The following SUPT6H variants were observed in gnomAD, a reference collection of about 807,000 sequenced individuals.
The protein encoded by SUPT6H is SPT6 homolog, histone chaperone and transcription elongation factor.
SUPT6H carries 11 observed loss-of-function variants against 222.3 expected under a neutral mutation model. That is an observed-to-expected ratio of 0.05 (90% confidence interval 0.03 to 0.08). The LOEUF is 0.08. Ranked by LOEUF, SUPT6H falls within the 10% of genes least tolerant of loss-of-function variation. The pLI is 1.00. For synonymous variants in SUPT6H, 762 were observed against 801.2 expected (o/e 0.95, Z 0.83); for missense variants, 1,422 against 2,216.0 (o/e 0.64, Z 7.19).
chr17:28,685,015 T>A lies in SUPT6H; in HGVS notation c.2487+54T>A. ...GTACATCTGGAGTATGTCTTATGAT[T>A]CAGTGGAGATAAGTGTTTACGGTCT... On this transcript the variant is annotated intron_variant, in intron 19 of 36. Coordinates refer to ENST00000314616, the MANE Select transcript of SUPT6H (RefSeq NM_003170.5). 2.0e-6 allele frequency: 3 copies of A among 1,509,796 alleles called. No individual in the cohort carries two copies. The Admixed American group carries it at 5.5e-5, about 28-fold the overall frequency. 93.5% of individuals were successfully genotyped at this position (1,509,796 alleles called of 1,614,324 possible). A position where few individuals can be genotyped will look rare whatever the true frequency, so the allele number is the denominator to read the frequency against.
At chr17:28,698,248 G>A (rs756040656) in intron 32 of SUPT6H, among the ~76,000 whole-genome samples, 9 of 152,180 alleles carry the variant, frequency 5.9e-5, no homozygotes, top group Non-Finnish European at 1.2e-4. Flanking sequence ...CCTTAACACC[G>A]TGAGAAAGGA....
intron 2 of SUPT6H, 70 bp from the exon 3 acceptor site, chr17:28,674,213 A>G: frequency 1.3e-6 from 2 of 1,581,376 alleles, no homozygotes; most frequent in South Asian, 1.1e-5. Context: ...GGATAATCAC[A>G]TTAATCAAGT....
At chr17:28,684,227 G>A (rs1054101953) in intron 17 of SUPT6H, among the ~76,000 whole-genome samples, 1 of 151,948 alleles carries the variant, frequency 6.6e-6, no homozygotes, top group African/African-American at 2.4e-5. Context: ...AACCCCTTAG[G>A]AATAGTCCCA....
intron 1 of SUPT6H, among the ~76,000 whole-genome samples, chr17:28,663,680 A>G (rs1201787531): frequency 5.3e-5 from 8 of 151,856 alleles, no homozygotes; most frequent in Non-Finnish European, 1.2e-4. Flanking sequence ...CATACAAATT[A>G]TGTTCTGGTA....
Position 28,677,337 on chromosome 17 carries a change from C to T in SUPT6H, c.898-378C>T, listed in dbSNP as rs181417121. ...GGCGGAGGTTACAGTGAGCTGAGAT[C>T]GCGCCATTGCACTCCAGCCTGGGCA... On this transcript the variant is annotated intron_variant, in intron 7 of 36. Transcript: ENST00000314616. Among the ~76,000 whole-genome samples, 602 of 151,418 alleles carry T rather than the reference C, an allele frequency of 4.0e-3. 6 individuals carry two copies. Among genetic ancestry groups the T allele is most frequent in the African/African-American group, 0.013 (544 of 41,190 alleles).
chr17:28,677,217 CA>C (rs770661947), intron 7 of SUPT6H, among the ~76,000 whole-genome samples: 3,797 of 131,916 alleles, frequency 0.029, 50 homozygotes, highest in Non-Finnish European at 0.036. Context: ...TACTAAAATA[CA>C]AAAAAAAAAA....
intron 1 of SUPT6H, among the ~76,000 whole-genome samples, chr17:28,667,481 G>A (rs1428109264): frequency 7.4e-6 from 1 of 135,484 alleles, no homozygotes; most frequent in Non-Finnish European, 1.5e-5. Flanking sequence ...GTATATATGT[G>A]TGTGTATATA....
intron 1 of SUPT6H, 53 bp from the exon 2 acceptor site, chr17:28,673,318 C>T (rs2030544307): frequency 3.6e-6 from 4 of 1,112,790 alleles, no homozygotes; most frequent in Admixed American, 2.0e-5. Flanking sequence ...TTTAAGAGCC[C>T]TCTGTACAAT....
chr17:28,692,116 G>A (rs1184684661), intron 27 of SUPT6H, among the ~76,000 whole-genome samples: 1 of 151,062 alleles, frequency 6.6e-6, no homozygotes, highest in Admixed American at 6.6e-5. Context: ...GAGGTCAGGA[G>A]ATCGAGACCA....
intron 1 of SUPT6H, among the ~76,000 whole-genome samples, chr17:28,669,421 C>A (rs964786368): frequency 5.9e-5 from 9 of 152,170 alleles, no homozygotes; most frequent in Non-Finnish European, 1.3e-4. Context: ...AAACTGCTGA[C>A]CTCAGGTGAT....
In SUPT6H at chr17:28,684,469, C is replaced by T; in HGVS notation, c.2230-117C>T. On this transcript the variant is annotated intron_variant, in intron 17 of 36. Coordinates refer to ENST00000314616, the MANE Select transcript of SUPT6H (RefSeq NM_003170.5). Reference sequence around the variant, plus strand: ...CTGCCAATGGCTAGGAACATCTGCACATAAGAGTACACACCCTCGCACATG... The same window carrying T: ...CTGCCAATGGCTAGGAACATCTGCATATAAGAGTACACACCCTCGCACATG... 3 of 1,276,260 alleles carry T rather than the reference C, an allele frequency of 2.4e-6. No individual in the cohort carries two copies. The South Asian group carries it at 4.1e-5, about 18-fold the overall frequency. The allele number at this position is 1,276,260 out of a possible 1,614,324, so 79.1% of individuals were successfully genotyped here. A position where few individuals can be genotyped will look rare whatever the true frequency, so the allele number is the denominator to read the frequency against.
Position 28,695,403 on chromosome 17 carries a change from A to G in SUPT6H, c.3826A>G (p.Ser1276Gly). ...CATGAAGATTGACATTGAGAAGTTC[A>G]GTGCAGACCTGACCTGCCGCACCTC... is the stretch of plus-strand genomic sequence containing the variant. Reference protein sequence around the residue: ...RIMKIDIEKFSADLTCRTSDL... With the variant: ...RIMKIDIEKFGADLTCRTSDL... The change falls in exon 29 of 37, where the codon AGT becomes GGT. Residue 1276 changes from serine to glycine, a missense_variant. Transcript: ENST00000314616. The G allele has an allele frequency of 6.2e-7, 1 of 1,614,112 alleles. No homozygotes were observed. The highest frequency in any genetic ancestry group is 8.5e-7 in the Non-Finnish European group (1 of 1,180,022).
rs2031500315 is a variant in SUPT6H at position 28,688,484 on chromosome 17, A to G, written c.3134+266A>G. 1 of 271,468 alleles carries G rather than the reference A, an allele frequency of 3.7e-6. No individual in the cohort carries two copies. Among genetic ancestry groups the G allele is most frequent in the Admixed American group, 5.3e-5 (1 of 18,932 alleles). The allele number at this position is 271,468 out of a possible 1,614,324, so 16.8% of individuals were successfully genotyped here. On this transcript the variant is annotated intron_variant, in intron 24 of 36. Coordinates refer to ENST00000314616, the MANE Select transcript of SUPT6H (RefSeq NM_003170.5). The surrounding 1 kb of genome is among the most constrained non-coding windows in gnomAD (Gnocchi z 4.3). Reference sequence around the variant, plus strand: ...GCATGGAAAACACAAGATTTTGTTCAGTAAACACAAACTTGCTTTTTTATT... The same window carrying G: ...GCATGGAAAACACAAGATTTTGTTCGGTAAACACAAACTTGCTTTTTTATT...
chr17:28,690,379 A>G (rs2031584962), intron 26 of SUPT6H, 150 bp downstream of exon 26: 1 of 1,009,024 alleles, frequency 9.9e-7, no homozygotes, highest in South Asian at 1.8e-5. Flanking sequence ...AGAGTCCTGG[A>G]CTGGAAATCA....
intron 6 of SUPT6H, among the ~76,000 whole-genome samples, chr17:28,675,771 A>G (rs779442561): frequency 1.4e-4 from 22 of 152,192 alleles, no homozygotes; most frequent in Non-Finnish European, 2.4e-4. Context: ...AATTATATAT[A>G]TATTGACATT....
chr17:28,675,351 C>T, intron 5 of SUPT6H, 50 bp from the exon 6 acceptor site: 9 of 1,602,388 alleles, frequency 5.6e-6, no homozygotes, highest in Non-Finnish European at 7.7e-6. Context: ...GCAATTTAGT[C>T]CTGGCTCAGC....
intron 27 of SUPT6H, among the ~76,000 whole-genome samples, chr17:28,692,369 A>G (rs1439770286): frequency 6.8e-6 from 1 of 146,460 alleles, no homozygotes; most frequent in Non-Finnish European, 1.5e-5. Context: ...ACAGTGGCTC[A>G]TGCCTGTAAT....
intron 1 of SUPT6H, among the ~76,000 whole-genome samples, chr17:28,668,615 CTGT>C (rs766737023): frequency 5.3e-5 from 8 of 152,186 alleles, no homozygotes; most frequent in Non-Finnish European, 1.2e-4. Flanking sequence ...CAGAAGAAAG[CTGT>C]TGTTTTCATC....
At chr17:28,664,250 A>G (rs1050242221) in intron 1 of SUPT6H, among the ~76,000 whole-genome samples, 3 of 152,090 alleles carry the variant, frequency 2.0e-5, no homozygotes, top group Admixed American at 1.3e-4. Flanking sequence ...GCTCATGCCT[A>G]TAATCCCAGC....
Sources: gnomAD v4.1 joint callset for allele counts (sites outside exome capture counted in the v4.1 genomes callset) on GRCh38, gnomAD v4.1.1 for gene constraint, Gnocchi (gnomAD v3.1) non-coding constraint, MANE v1.5 for transcripts, NCBI Gene and HGNC (gene_info 2026-07-23, HGNC 2026-07-21) for gene names.